The following HIPK2 variants were observed in gnomAD, a reference collection of about 807,000 sequenced individuals.
HIPK2 encodes the protein homeodomain-interacting protein kinase 2.
HIPK2 carries 27 observed loss-of-function variants against 113.7 expected under a neutral mutation model. That is an observed-to-expected ratio of 0.24 (90% CI 0.17 to 0.33). The LOEUF (loss-of-function observed/expected upper bound fraction) is 0.33, where lower values mean the gene tolerates loss of function less well. HIPK2 is among the 10% of genes least tolerant of loss of function. The pLI is 1.00. For missense variants in HIPK2, 1,257 were observed against 1,588.0 expected, an observed-to-expected ratio of 0.79 and a Z score of 3.54; for synonymous variants, 631 against 642.2, an observed-to-expected ratio of 0.98 and a Z score of 0.26.
At chr7:139,651,613 C>T (rs1048734593) in intron 2 of HIPK2, among the ~76,000 whole-genome samples, 2 of 152,148 alleles carry the variant, frequency 1.3e-5, no homozygotes, top group South Asian at 2.1e-4. Flanking sequence ...AGGAGAGAGG[C>T]GAGCTGGAGG....
intron 2 of HIPK2, among the ~76,000 whole-genome samples, chr7:139,655,695 A>G (rs940572494): frequency 2.0e-5 from 3 of 152,174 alleles, no homozygotes; most frequent in African/African-American, 7.2e-5. Flanking sequence ...TAAGCAACCC[A>G]CAAGTCCAGG....
intron 1 of HIPK2, among the ~76,000 whole-genome samples, chr7:139,750,877 T>G (rs1796267694): frequency 6.6e-6 from 1 of 152,216 alleles, no homozygotes; most frequent in African/African-American, 2.4e-5. Flanking sequence ...ACCTTCCTTC[T>G]CTGACAGCAA....
At chr7:139,619,275 G>A (rs1171664025) in intron 7 of HIPK2, among the ~76,000 whole-genome samples, 1 of 152,150 alleles carries the variant, frequency 6.6e-6, no homozygotes, top group Non-Finnish European at 1.5e-5. Context: ...TCACATTTCA[G>A]GTACACACAC....
rs148671928 is a variant in HIPK2 at position 139,728,989 on chromosome 7, C to A, written c.20-11974G>T. Among the ~76,000 whole-genome samples, 499 of 152,196 alleles carry A rather than the reference C, an allele frequency of 3.3e-3. 1 individual carries two copies. Among genetic ancestry groups the A allele is most frequent in the Non-Finnish European group, 3.8e-3 (255 of 67,990 alleles). The stretch of plus-strand genomic sequence containing the variant: ...TGAAAAAGGCCATATAGGAATGTAT[C>A]TCTCAATCTACTGAGGAGCAACTGT... On this transcript the variant is annotated intron_variant, in intron 1 of 14. Coordinates refer to ENST00000406875, the MANE Select transcript of HIPK2 (RefSeq NM_022740.5).
intron 1 of HIPK2, among the ~76,000 whole-genome samples, chr7:139,755,538 G>C (rs1796348340): frequency 6.6e-6 from 1 of 152,234 alleles, no homozygotes; most frequent in Non-Finnish European, 1.5e-5. Flanking sequence ...CTCCTGAGCT[G>C]ACGGGGAAAA....
chr7:139,676,661 C>A (rs1053578267), intron 2 of HIPK2, among the ~76,000 whole-genome samples: 1 of 152,134 alleles, frequency 6.6e-6, no homozygotes, highest in Non-Finnish European at 1.5e-5. Context: ...CATGCCATAG[C>A]ACTTCTTTTC....
chr7:139,638,357 AT>A (rs1314348769), intron 2 of HIPK2, among the ~76,000 whole-genome samples: 1 of 151,982 alleles, frequency 6.6e-6, no homozygotes, highest in East Asian at 1.9e-4. Context: ...ATTCTTCCTT[AT>A]TCAAACAGAC....
intron 1 of HIPK2, among the ~76,000 whole-genome samples, chr7:139,735,343 G>C (rs1380748070): frequency 6.6e-6 from 1 of 152,194 alleles, no homozygotes; most frequent in Non-Finnish European, 1.5e-5. Flanking sequence ...TGGATGCTAG[G>C]ATTATCTCTC....
chr7:139,756,724 C>T (rs1360088261), intron 1 of HIPK2, among the ~76,000 whole-genome samples: 5 of 152,214 alleles, frequency 3.3e-5, no homozygotes, highest in African/African-American at 1.2e-4. Flanking sequence ...CGCATCCAGT[C>T]AGACTTTATT....
At chr7:139,574,125 C>T (rs1035207827) in intron 14 of HIPK2, among the ~76,000 whole-genome samples, 16 of 152,146 alleles carry the variant, frequency 1.1e-4, no homozygotes, top group African/African-American at 3.9e-4. Flanking sequence ...CGCACCCGGC[C>T]AGGACACTCT....
chr7:139,664,930 C>T (rs1436099987), intron 2 of HIPK2, among the ~76,000 whole-genome samples: 1 of 152,224 alleles, frequency 6.6e-6, no homozygotes, highest in African/African-American at 2.4e-5. Flanking sequence ...GCTCAGACTC[C>T]TTCCTCTGAC....
At chr7:139,604,836 A>G (rs890069786) in intron 9 of HIPK2, among the ~76,000 whole-genome samples, 4 of 152,260 alleles carry the variant, frequency 2.6e-5, no homozygotes, top group African/African-American at 9.6e-5. Flanking sequence ...AAGTTTCTGA[A>G]AGTTTATTTA....
chr7:139,770,962 G>T (rs996100799), intron 1 of HIPK2, among the ~76,000 whole-genome samples: 25 of 152,150 alleles, frequency 1.6e-4, no homozygotes, highest in African/African-American at 6.0e-4. Flanking sequence ...GATTTTACTA[G>T]CTTGCTTTCT....
At chr7:139,734,754 T>A (rs908171066) in intron 1 of HIPK2, among the ~76,000 whole-genome samples, 3 of 152,184 alleles carry the variant, frequency 2.0e-5, no homozygotes, top group Non-Finnish European at 4.4e-5. Context: ...AATGGCCAAA[T>A]ACACACTACT....
At chr7:139,690,983 G>A (rs537425853) in intron 2 of HIPK2, among the ~76,000 whole-genome samples, 1 of 152,334 alleles carries the variant, frequency 6.6e-6, no homozygotes, top group South Asian at 2.1e-4. Context: ...TGGGAAGCCT[G>A]CAAATGCTCA....
At chr7:139,691,890 G>A (rs772418931) in intron 2 of HIPK2, among the ~76,000 whole-genome samples, 4 of 152,040 alleles carry the variant, frequency 2.6e-5, no homozygotes, top group East Asian at 1.9e-4. Context: ...ATTAAAAACC[G>A]TGGCCTATGA....
intron 6 of HIPK2, among the ~76,000 whole-genome samples, chr7:139,622,352 T>G (rs1287587614): frequency 6.6e-6 from 1 of 152,240 alleles, no homozygotes; most frequent in Non-Finnish European, 1.5e-5. Context: ...GCCAGTGTGT[T>G]TTCAGCTCCT....
chr7:139,777,532 C>G, intron 1 of HIPK2, 73 bp downstream of exon 1: 1 of 703,986 alleles, frequency 1.4e-6, no homozygotes, highest in South Asian at 6.1e-5. Context: ...GGCGCGGGGC[C>G]GCGGGCAGAA....
chr7:139,712,071 C>T (rs1326642747), intron 2 of HIPK2, among the ~76,000 whole-genome samples: 1 of 152,214 alleles, frequency 6.6e-6, no homozygotes, highest in Non-Finnish European at 1.5e-5. Flanking sequence ...CCAGGAGATT[C>T]CTGTGCACAG....
Sources: allele counts gnomAD v4.1 joint callset (sites outside exome capture counted in the v4.1 genomes callset), GRCh38; gene constraint gnomAD v4.1.1; transcripts MANE v1.5; gene names NCBI Gene and HGNC (gene_info 2026-07-23, HGNC 2026-07-21).